The following RUFY2 variants were observed in gnomAD, a reference collection of about 807,000 sequenced individuals.
RUFY2 encodes RUN and FYVE domain-containing protein 2.
In RUFY2, 49 loss-of-function variants were observed where a neutral mutation model predicts 94.4. The observed-to-expected ratio is 0.52, with a 90% CI of 0.41 to 0.66. The LOEUF (loss-of-function observed/expected upper bound fraction) is 0.66, where lower values mean the gene tolerates loss of function less well. RUFY2 is among the 30% of genes least tolerant of loss of function. The probability of loss-of-function intolerance (pLI) is 0.00; values close to 1 mark genes in which losing one functional copy is unlikely to be tolerated. For synonymous variants in RUFY2, 255 were observed against 235.7 expected, an observed-to-expected ratio of 1.08 and a Z score of -0.75; for missense variants, 541 against 692.8, an observed-to-expected ratio of 0.78 and a Z score of 2.46.
At chr10:68,378,432 T>C in intron 12 of RUFY2, 1 of 1,283,038 alleles carries the variant, frequency 7.8e-7, no homozygotes, top group Non-Finnish European at 9.8e-7. Context: ...CCACAGCAGC[T>C]GACCAAGAAA....
At position 68,344,751 on chromosome 10, in the gene RUFY2, A is replaced by G. The variant is rs1050539164; in HGVS notation, c.*1017T>C. The G allele has an allele frequency of 3.3e-5, 5 of 152,228 alleles. No individual in the cohort carries two copies. The East Asian group carries it at 7.7e-4, about 23-fold the overall frequency. The allele number at this position is 152,228 out of a possible 1,614,324, so 9.4% of individuals were successfully genotyped here. On this transcript the variant is annotated 3_prime_UTR_variant, in exon 18 of 18. Transcript: ENST00000602465. ...AACACCCTTGGCATAGAGGTGCTCA[A>G]TGGACATGGTGAAATTTTACTGTGG...
chr10:68,385,677 A>G (rs1470195325), intron 8 of RUFY2, among the ~76,000 whole-genome samples: 1 of 152,164 alleles, frequency 6.6e-6, no homozygotes, highest in Non-Finnish European at 1.5e-5. Context: ...ACAGGTATAC[A>G]TGTGCCATGG....
In RUFY2 at chr10:68,404,808, A is replaced by C; in HGVS notation, c.41T>G (p.Leu14Trp). 6.2e-7 allele frequency: 1 copy of C among 1,612,302 alleles called. No homozygotes were observed. The highest frequency in any genetic ancestry group is 8.5e-7 in the Non-Finnish European group (1 of 1,179,288). The stretch of plus-strand genomic sequence containing the variant: ...GATACTCAGTTTAGCCATGTTTAAC[A>C]AGTTTGCTCTCTCTACAGCTGTGGG... Reference protein sequence around the residue: ...KDPTAVERANLLNMAKLSIKG... With the variant: ...KDPTAVERANWLNMAKLSIKG... The change falls in exon 2 of 18, where the codon TTG (leucine) becomes TGG (tryptophan). Residue 14 changes from leucine (L) to tryptophan (W), a missense_variant. By Grantham distance (61) the Leu-to-Trp change is moderately conservative (BLOSUM62 -2). This residue lies in a region of RUFY2 where 53 missense variants were observed against 58.6 expected (regional missense o/e 0.90). Coordinates refer to ENST00000602465, the MANE Select transcript of RUFY2 (RefSeq NM_001330103.2).
chr10:68,362,771 A>T (rs1172672557), intron 15 of RUFY2, among the ~76,000 whole-genome samples: 1 of 151,192 alleles, frequency 6.6e-6, no homozygotes, highest in Non-Finnish European at 1.5e-5. Context: ...CCTAGGCGAG[A>T]CCCTGTCTTT....
intron 1 of RUFY2, 87 bp downstream of exon 1, chr10:68,407,098 TC>T: frequency 2.7e-6 from 4 of 1,506,466 alleles, no homozygotes; most frequent in South Asian, 1.2e-5. Context: ...CCTCGGCGTC[TC>T]CCCCAGCTCC....
At chr10:68,389,581 C>T (rs1469216602) in intron 7 of RUFY2, among the ~76,000 whole-genome samples, 1 of 151,322 alleles carries the variant, frequency 6.6e-6, no homozygotes, top group Non-Finnish European at 1.5e-5. Context: ...AAGAGCGAAA[C>T]TCTGTCTCGA....
At position 68,343,823 on chromosome 10, in the gene RUFY2, AAAAAAAAAAAG is replaced by A. The variant is rs1481293416; in HGVS notation, c.*1934_*1944del. 5.1e-5 allele frequency: 7 copies of A among 137,226 alleles called. No homozygotes were observed. Among genetic ancestry groups the A allele is most frequent in the African/African-American group, 1.8e-4 (7 of 39,392 alleles). The allele number at this position is 137,226 out of a possible 1,614,324, so 8.5% of individuals were successfully genotyped here. A position where few individuals can be genotyped will look rare whatever the true frequency, so the allele number is the denominator to read the frequency against. On this transcript the variant is annotated 3_prime_UTR_variant, in exon 18 of 18. Coordinates refer to ENST00000602465, the MANE Select transcript of RUFY2 (RefSeq NM_001330103.2). ...AAAAGCTGCCTAAAAAAAAAAAAAA[AAAAAAAAAAAG>A]CAAGTCAGTCAGTGTTGATACATGA...
Position 68,394,117 on chromosome 10 carries a change from G to C in RUFY2, c.542C>G (p.Ser181Cys), listed in dbSNP as rs1407830199. The C allele has an allele frequency of 6.7e-7, 1 of 1,500,580 alleles. No homozygotes were observed. Among genetic ancestry groups the C allele is most frequent in the East Asian group, 2.3e-5 (1 of 42,632 alleles). 93.0% of individuals were successfully genotyped at this position (1,500,580 alleles called of 1,614,324 possible). Residue 181 changes from serine to cysteine, a missense_variant, in exon 6 of 18, where the codon TCT (serine) becomes TGT (cysteine). Around this residue, in one of 3 missense-constraint regions of RUFY2, gnomAD observed 403 missense variants for 480.7 expected, o/e 0.84. Transcript: ENST00000602465. ...ATCTTCTTCATTCTTTAAATACATA[G>C]AAAAATCAATCACTCCAACCTGAAG... Reference protein sequence around the residue: ...LDSQVGVIDFSMYLKNEEDIG... With the variant: ...LDSQVGVIDFCMYLKNEEDIG...
At chr10:68,363,476 G>A (rs2047599166) in intron 15 of RUFY2, 114 bp downstream of exon 15, 13 of 636,768 alleles carry the variant, frequency 2.0e-5, no homozygotes, top group Admixed American at 1.0e-4. Context: ...CACCGCGCCC[G>A]GCCTAGTTCG....
At chr10:68,346,202 A>G (rs924765014) in intron 16 of RUFY2, 118 bp from the exon 17 acceptor site, 2 of 763,274 alleles carry the variant, frequency 2.6e-6, no homozygotes, top group South Asian at 3.7e-5. Flanking sequence ...AAAATAAGTT[A>G]TTTTCTTTGA....
At chr10:68,400,424 C>T (rs2050727370) in intron 3 of RUFY2, among the ~76,000 whole-genome samples, 1 of 152,108 alleles carries the variant, frequency 6.6e-6, no homozygotes, top group African/African-American at 2.4e-5. Context: ...CGCCTGTAAT[C>T]CCAGCACTTT....
At chr10:68,406,518 G>A (rs972568947) in intron 1 of RUFY2, among the ~76,000 whole-genome samples, 5 of 152,196 alleles carry the variant, frequency 3.3e-5, no homozygotes, top group Admixed American at 2.6e-4. Context: ...CTGGGCACCG[G>A]CAGTTCCCAC....
At chr10:68,406,062 C>T (rs924862206) in intron 1 of RUFY2, among the ~76,000 whole-genome samples, 2 of 151,994 alleles carry the variant, frequency 1.3e-5, no homozygotes, top group African/African-American at 4.8e-5. Flanking sequence ...CTTCAACAAA[C>T]ACAGATGACA....
At chr10:68,386,258 G>GA in intron 7 of RUFY2, 130 bp from the exon 8 acceptor site, 1 of 581,742 alleles carries the variant, frequency 1.7e-6, no homozygotes, top group Non-Finnish European at 3.0e-6. Context: ...TCTGAGTGTG[G>GA]AAAATTTCAT....
Position 68,394,079 on chromosome 10 carries a change from C to T in RUFY2, c.580G>A (p.Glu194Lys), listed in dbSNP as rs777186119. 34 of 1,505,418 alleles carry T rather than the reference C, an allele frequency of 2.3e-5. No homozygotes were observed. Among genetic ancestry groups the T allele is most frequent in the Middle Eastern group, 1.7e-4 (1 of 5,812 alleles). The allele number at this position is 1,505,418 out of a possible 1,614,324, so 93.3% of individuals were successfully genotyped here. A position where few individuals can be genotyped will look rare whatever the true frequency, so the allele number is the denominator to read the frequency against. ...AATAACTTATGAAAATCATACCTTT[C>T]TTTATTTCCAATATCTTCTTCATTC... Reference protein sequence around the residue: ...LKNEEDIGNKERNVQIAAILD... With the variant: ...LKNEEDIGNKKRNVQIAAILD... The change falls in exon 6 of 18, where the codon GAA becomes AAA. Residue 194 changes from glutamate to lysine, a missense_variant. Glu to Lys is a moderately conservative substitution (Grantham distance 56). Around this residue, in one of 3 missense-constraint regions of RUFY2, gnomAD observed 403 missense variants for 480.7 expected, o/e 0.84. Coordinates refer to ENST00000602465, the MANE Select transcript of RUFY2 (RefSeq NM_001330103.2).
In RUFY2 at chr10:68,376,919, T is replaced by C; in HGVS notation, c.1259A>G (p.Tyr420Cys). 2.5e-6 allele frequency: 4 copies of C among 1,613,496 alleles called. No individual in the cohort carries two copies. The highest frequency in any genetic ancestry group is 1.3e-5 in the African/African-American group (1 of 75,032). The change falls in exon 13 of 18, where the codon TAT becomes TGT. Residue 420 changes from tyrosine (Y) to cysteine (C), a missense_variant. Transcript: ENST00000602465. ...AGATTTACTGAGACATTCTTGTAGA[T>C]ATTTCTCATCCTCATCTTCAGCTTC... is the stretch of plus-strand genomic sequence containing the variant. ...QMEAEDEDEK[Y>C]LQECLSKSDS...
intron 16 of RUFY2, chr10:68,346,865 T>C (rs1275001872): frequency 3.3e-5 from 5 of 152,184 alleles, no homozygotes; most frequent in African/African-American, 1.2e-4. Flanking sequence ...AAATCAGATA[T>C]TGGAGTTCAT....
At chr10:68,394,587 C>A in intron 4 of RUFY2, 136 bp from the exon 5 acceptor site, 1 of 477,636 alleles carries the variant, frequency 2.1e-6, no homozygotes, top group Non-Finnish European at 3.7e-6. Context: ...TCAAATTAGC[C>A]TTTATACGTG....
At chr10:68,379,162 T>C (rs879318415) in intron 12 of RUFY2, 11 of 345,368 alleles carry the variant, frequency 3.2e-5, no homozygotes, top group Non-Finnish European at 5.1e-5. Flanking sequence ...ATTTGTTTTA[T>C]GTAACTGAAC....
Sources: gnomAD v4.1 joint callset for allele counts (sites outside exome capture counted in the v4.1 genomes callset) on GRCh38, gnomAD v4.1.1 for gene constraint, gnomAD v4.1.1 regional missense constraint, MANE v1.5 for transcripts, NCBI Gene and HGNC (gene_info 2026-07-23, HGNC 2026-07-21) for gene names.